The following BCL2 variants were observed in gnomAD, a reference collection of about 807,000 sequenced individuals.
The protein encoded by BCL2 is apoptosis regulator Bcl-2.
BCL2 carries 1 observed loss-of-function variant against 14.2 expected under a neutral mutation model. The ratio of observed to expected loss-of-function variants is 0.07; its 90% CI spans 0.02 to 0.33. The LOEUF (loss-of-function observed/expected upper bound fraction) is 0.33. BCL2 is among the 10% of genes least tolerant of loss of function. The pLI is 0.99. For synonymous variants in BCL2, 151 were observed against 137.2 expected (o/e 1.10, Z -0.70); for missense variants, 247 against 305.9 (o/e 0.81, Z 1.44).
intron 2 of BCL2, among the ~76,000 whole-genome samples, chr18:63,212,108 A>ATCT (rs1335813324): frequency 1.3e-5 from 2 of 151,964 alleles, no homozygotes; most frequent in Admixed American, 6.6e-5. Flanking sequence ...CAGGTGGATC[A>ATCT]CAAGGTCAGG....
At chr18:63,241,509 G>A (rs1181193522) in intron 2 of BCL2, among the ~76,000 whole-genome samples, 1 of 152,194 alleles carries the variant, frequency 6.6e-6, no homozygotes, top group Admixed American at 6.5e-5. Context: ...CAGAGTTACT[G>A]AGTGAAAGGT....
chr18:63,302,451 C>T, intron 2 of BCL2: 2 of 985,308 alleles, frequency 2.0e-6, no homozygotes, highest in Non-Finnish European at 2.4e-6. Flanking sequence ...TCCCTCTGCC[C>T]GAATAATAAT....
At chr18:63,198,845 A>C (rs1427520928) in intron 2 of BCL2, among the ~76,000 whole-genome samples, 1 of 144,704 alleles carries the variant, frequency 6.9e-6, no homozygotes, top group Non-Finnish European at 1.5e-5. Context: ...AGACACACAT[A>C]GACACAGAGA....
At chr18:63,264,799 C>A (rs1357001545) in intron 2 of BCL2, among the ~76,000 whole-genome samples, 1 of 53,148 alleles carries the variant, frequency 1.9e-5, no homozygotes, top group South Asian at 6.1e-4. Flanking sequence ...TGTGGCTCTT[C>A]CAGTCAATAT....
chr18:63,203,090 C>T (rs950057505), intron 2 of BCL2, among the ~76,000 whole-genome samples: 2 of 152,186 alleles, frequency 1.3e-5, no homozygotes, highest in African/African-American at 2.4e-5. Flanking sequence ...TAATCAATCA[C>T]GCTTCAGGAA....
intron 2 of BCL2, among the ~76,000 whole-genome samples, chr18:63,143,043 C>T (rs1282350295): frequency 2.6e-5 from 4 of 152,210 alleles, no homozygotes; most frequent in African/African-American, 9.7e-5. Flanking sequence ...GCCTGTGGTT[C>T]TGGATCCTGG....
chr18:63,188,172 G>C (rs962409993), intron 2 of BCL2, among the ~76,000 whole-genome samples: 5 of 152,166 alleles, frequency 3.3e-5, no homozygotes, highest in Non-Finnish European at 7.3e-5. Flanking sequence ...GCAGCTATCT[G>C]TCTTACCCAC....
At position 63,318,271 on chromosome 18, in the gene BCL2, C is replaced by T. The variant is rs748305332; in HGVS notation, c.396G>A (p.Thr132=). ...CGTCCCTGAAGAGCTCCTCCACCAC[C>T]GTGGCAAAGCGTCCCCGCGCGGTGA... ...TPFTARGRFA[T]VVEELFRDGV... Residue 132 remains threonine (T), a synonymous_variant, in exon 2 of 3, where the codon ACG becomes ACA. Coordinates refer to ENST00000333681, the MANE Select transcript of BCL2 (RefSeq NM_000633.3). This position sits in a 1 kb window ranked among gnomAD's most constrained non-coding sequence, Gnocchi z 7.4. The T allele has an allele frequency of 1.9e-6, 3 of 1,614,064 alleles. No individual in the cohort carries two copies. The highest frequency in any genetic ancestry group is 2.2e-5 in the South Asian group (2 of 91,082).
At chr18:63,297,041 T>C (rs545155845) in intron 2 of BCL2, among the ~76,000 whole-genome samples, 1 of 152,160 alleles carries the variant, frequency 6.6e-6, no homozygotes, top group Non-Finnish European at 1.5e-5. Context: ...TGAAACCCTG[T>C]CTCTACTAAA....
chr18:63,267,908 TCTTC>T (rs745547015), intron 2 of BCL2, among the ~76,000 whole-genome samples: 1 of 152,178 alleles, frequency 6.6e-6, no homozygotes, highest in Non-Finnish European at 1.5e-5. Context: ...CTTCTGTCTT[TCTTC>T]CTTCCTTCCT....
chr18:63,180,832 T>C (rs1000957845), intron 2 of BCL2, among the ~76,000 whole-genome samples: 1 of 152,128 alleles, frequency 6.6e-6, no homozygotes, highest in Non-Finnish European at 1.5e-5. Flanking sequence ...GGCAGACACA[T>C]CCCTTTTCCT....
chr18:63,260,906 A>T (rs1444994832), intron 2 of BCL2, among the ~76,000 whole-genome samples: 1 of 152,234 alleles, frequency 6.6e-6, no homozygotes, highest in African/African-American at 2.4e-5. Flanking sequence ...TATTACATAA[A>T]ACAGCACCCA....
intron 2 of BCL2, among the ~76,000 whole-genome samples, chr18:63,166,413 C>T (rs1915045929): frequency 6.6e-6 from 1 of 152,208 alleles, no homozygotes. Context: ...GCACGCATAT[C>T]CTGACTGGGG....
intron 2 of BCL2, among the ~76,000 whole-genome samples, chr18:63,255,283 G>C (rs1911438967): frequency 6.6e-6 from 1 of 152,216 alleles, no homozygotes; most frequent in South Asian, 2.1e-4. Flanking sequence ...AGTGTGGACA[G>C]CTCTATCCAA....
intron 2 of BCL2, among the ~76,000 whole-genome samples, chr18:63,180,401 T>C (rs1345699300): frequency 1.3e-5 from 2 of 152,242 alleles, no homozygotes; most frequent in African/African-American, 2.4e-5. Context: ...TTCTCCTCCT[T>C]TGTGAAACGG....
chr18:63,162,753 G>C (rs189453001), intron 2 of BCL2, among the ~76,000 whole-genome samples: 1 of 152,238 alleles, frequency 6.6e-6, no homozygotes, highest in East Asian at 1.9e-4. Context: ...GAAGACACCA[G>C]AGCCTTCATT....
At chr18:63,242,900 A>G (rs1257975872) in intron 2 of BCL2, among the ~76,000 whole-genome samples, 1 of 152,198 alleles carries the variant, frequency 6.6e-6, no homozygotes, top group Non-Finnish European at 1.5e-5. Flanking sequence ...AATGAAAGGG[A>G]ACGGAGAGGC....
At chr18:63,252,192 GATT>G (rs1003194180) in intron 2 of BCL2, among the ~76,000 whole-genome samples, 9 of 152,204 alleles carry the variant, frequency 5.9e-5, no homozygotes, top group Admixed American at 3.9e-4. Context: ...CATTCACAAA[GATT>G]ATTAGATATA....
intron 2 of BCL2, among the ~76,000 whole-genome samples, chr18:63,285,356 C>CTCTGGCTGACCTCTGGAATTCTCTT (rs960078166): frequency 3.3e-5 from 5 of 152,186 alleles, no homozygotes; most frequent in Admixed American, 2.6e-4. Context: ...TACCTTCTCT[C>CTCTGGCTGACCTCTGGAATTCTCTT]TCTGGCTGAC....
Sources: allele counts gnomAD v4.1 joint callset (sites outside exome capture counted in the v4.1 genomes callset), GRCh38; gene constraint gnomAD v4.1.1; non-coding constraint Gnocchi (gnomAD v3.1); transcripts MANE v1.5; gene names NCBI Gene and HGNC (gene_info 2026-07-23, HGNC 2026-07-21).